The following CDH18 variants were observed in gnomAD, a reference collection of about 807,000 sequenced individuals.
CDH18 encodes the protein cadherin 18.
CDH18 carries 31 observed loss-of-function variants against 67.9 expected under a neutral mutation model. The ratio of observed to expected loss-of-function variants is 0.46; its 90% CI spans 0.34 to 0.62. CDH18 has a LOEUF of 0.62. CDH18 is among the 20% of genes least tolerant of loss of function. The probability of loss-of-function intolerance (pLI) is 0.01; values close to 1 mark genes in which losing one functional copy is unlikely to be tolerated. For missense variants in CDH18, 890 were observed against 975.5 expected (o/e 0.91, Z 1.17); for synonymous variants, 362 against 347.2 (o/e 1.04, Z -0.48).
intron 2 of CDH18, among the ~76,000 whole-genome samples, chr5:20,232,756 A>T (rs568639266): frequency 6.6e-6 from 1 of 152,212 alleles, no homozygotes; most frequent in East Asian, 1.9e-4. Context: ...AACCTTTTTT[A>T]TAATTTATGC....
chr5:20,334,282 C>T (rs1389546198), intron 1 of CDH18, among the ~76,000 whole-genome samples: 4 of 150,708 alleles, frequency 2.7e-5, no homozygotes, highest in African/African-American at 4.9e-5. Context: ...TACAGGCGCC[C>T]GCCACCTCGC....
intron 1 of CDH18, among the ~76,000 whole-genome samples, chr5:20,308,511 C>G (rs1369573818): frequency 6.7e-6 from 1 of 149,624 alleles, no homozygotes; most frequent in Non-Finnish European, 1.5e-5. Flanking sequence ...CCACTGGACT[C>G]TAGCCTGGCC....
intron 2 of CDH18, among the ~76,000 whole-genome samples, chr5:20,219,388 A>G (rs890300696): frequency 6.6e-6 from 1 of 151,898 alleles, no homozygotes; most frequent in African/African-American, 2.4e-5. Flanking sequence ...GCTGAATTTT[A>G]CCAAATATGT....
intron 1 of CDH18, among the ~76,000 whole-genome samples, chr5:20,342,407 G>A (rs1292735544): frequency 6.6e-6 from 1 of 152,076 alleles, no homozygotes; most frequent in Admixed American, 6.6e-5. Flanking sequence ...CTCCCTGAGG[G>A]AACAGTGATG....
intron 1 of CDH18, among the ~76,000 whole-genome samples, chr5:20,497,687 C>T (rs188815210): frequency 6.6e-6 from 1 of 152,000 alleles, no homozygotes. Context: ...CCCATGCTTA[C>T]CCATGAAAGT....
intron 2 of CDH18, among the ~76,000 whole-genome samples, chr5:20,246,487 A>C (rs1215923595): frequency 6.6e-6 from 1 of 152,198 alleles, no homozygotes; most frequent in Non-Finnish European, 1.5e-5. Context: ...GCAGGAAAAA[A>C]TTCATAAAGA....
intron 2 of CDH18, among the ~76,000 whole-genome samples, chr5:20,012,028 T>C (rs1737485521): frequency 6.6e-6 from 1 of 152,108 alleles, no homozygotes; most frequent in Non-Finnish European, 1.5e-5. Context: ...AGCTCTTCTT[T>C]GTACATCTGG....
intron 4 of CDH18, among the ~76,000 whole-genome samples, chr5:19,724,447 T>C (rs976447181): frequency 2.6e-5 from 4 of 151,940 alleles, no homozygotes; most frequent in Admixed American, 1.3e-4. Flanking sequence ...ATTATGGTAA[T>C]TGATGCATAA....
chr5:19,819,498 A>G (rs1779631858), intron 3 of CDH18, among the ~76,000 whole-genome samples: 1 of 152,180 alleles, frequency 6.6e-6, no homozygotes, highest in African/African-American at 2.4e-5. Flanking sequence ...GGAAGCCTAT[A>G]TGGAGTCTCC....
intron 2 of CDH18, among the ~76,000 whole-genome samples, chr5:20,177,330 G>A (rs1184988055): frequency 6.6e-6 from 1 of 152,084 alleles, no homozygotes; most frequent in Non-Finnish European, 1.5e-5. Context: ...TATTATCATG[G>A]CATCCAGTAA....
At position 20,351,189 on chromosome 5, in the gene CDH18, TGTGC is replaced by T. The variant is rs771436111; in HGVS notation, c.-579-95688_-579-95685del. Among the ~76,000 whole-genome samples, 277 of 144,034 alleles carry T rather than the reference TGTGC, an allele frequency of 1.9e-3. 1 individual carries two copies. Among genetic ancestry groups the T allele is most frequent in the Non-Finnish European group, 2.5e-3 (166 of 65,544 alleles). The allele number at this position is 144,034 out of a possible 152,430, so 94.5% of individuals were successfully genotyped here. ...GTGTGTGTGTGTGTGTGTGTGTGTG[TGTGC>T]GTGTGTGTTATTGCTTATTTTGTCT... On this transcript the variant is annotated intron_variant, in intron 1 of 14. Transcript: ENST00000507958.
intron 5 of CDH18, among the ~76,000 whole-genome samples, chr5:19,661,472 T>C (rs1757167245): frequency 6.6e-6 from 1 of 151,956 alleles, no homozygotes; most frequent in Non-Finnish European, 1.5e-5. Context: ...AATAAAATAA[T>C]ATTTAACTTT....
intron 10 of CDH18, among the ~76,000 whole-genome samples, chr5:19,513,836 C>T (rs1242296219): frequency 2.0e-5 from 3 of 151,418 alleles, no homozygotes; most frequent in African/African-American, 4.8e-5. Flanking sequence ...AAGTGCATTC[C>T]TTTATTTGCA....
chr5:19,520,607 C>T (rs755949018), intron 10 of CDH18, 50 bp downstream of exon 10: 39 of 1,522,024 alleles, frequency 2.6e-5, no homozygotes, highest in East Asian at 1.4e-4. Context: ...AAAATAAAGG[C>T]GCTTGCATTT....
At chr5:20,239,667 C>T (rs1232049012) in intron 2 of CDH18, among the ~76,000 whole-genome samples, 3 of 152,124 alleles carry the variant, frequency 2.0e-5, no homozygotes, top group East Asian at 1.9e-4. Context: ...ACATTTTGCA[C>T]TCTCAATATT....
At chr5:20,544,581 G>A (rs938333461) in intron 1 of CDH18, among the ~76,000 whole-genome samples, 10 of 152,054 alleles carry the variant, frequency 6.6e-5, no homozygotes, top group African/African-American at 2.4e-4. Context: ...GAGAGAGAGA[G>A]CGAGAGAGGG....
In CDH18 at chr5:20,180,870, A is replaced by ATATTTTTTC. The variant is rs547844882; in HGVS notation, c.-518+74573_-518+74574insGAAAAAATA. ...TCCCGCGATAGACATGAAAAAAATT[A>ATATTTTTTC]ACTGTGGGGATATAGACGGATCATT... On this transcript the variant is annotated intron_variant, in intron 2 of 14. Transcript: ENST00000507958. Among the ~76,000 whole-genome samples the ATATTTTTTC allele has an allele frequency of 8.3e-3, 1,260 of 152,276 alleles. 14 individuals carry two copies. The highest frequency in any genetic ancestry group is 0.012 in the Non-Finnish European group (803 of 68,022).
At chr5:19,859,910 T>C (rs1456691219) in intron 2 of CDH18, among the ~76,000 whole-genome samples, 1 of 152,050 alleles carries the variant, frequency 6.6e-6, no homozygotes, top group Non-Finnish European at 1.5e-5. Context: ...TTACAGTGTT[T>C]GACTCTTTGT....
intron 3 of CDH18, among the ~76,000 whole-genome samples, chr5:19,758,368 T>A (rs1475350779): frequency 3.3e-5 from 5 of 152,186 alleles, no homozygotes; most frequent in African/African-American, 1.2e-4. Context: ...GGCAGGGCAT[T>A]GCTCCAAAAT....
Sources: allele counts gnomAD v4.1 joint callset (sites outside exome capture counted in the v4.1 genomes callset), GRCh38; gene constraint gnomAD v4.1.1; transcripts MANE v1.5; gene names NCBI Gene and HGNC (gene_info 2026-07-23, HGNC 2026-07-21).